Variants in ADAMTS12 observed in about 807,000 individuals in gnomAD.
ADAMTS12 encodes the protein A disintegrin and metalloproteinase with thrombospondin motifs 12.
Under a neutral mutation model 167.8 loss-of-function variants are expected in ADAMTS12, and 118 were observed. The observed-to-expected ratio is 0.70, with a 90% CI of 0.61 to 0.82. The LOEUF (loss-of-function observed/expected upper bound fraction) is 0.82. Ranked by LOEUF, ADAMTS12 falls within the 40% of genes least tolerant of loss-of-function variation. The probability of loss-of-function intolerance (pLI) is 0.00; values close to 1 mark genes in which losing one functional copy is unlikely to be tolerated. For synonymous variants in ADAMTS12, 704 were observed against 716.9 expected (o/e 0.98, Z 0.29); for missense variants, 1,916 against 1,998.8 (o/e 0.96, Z 0.79).
chr5:33,663,420 A>G (rs1741337822), intron 5 of ADAMTS12, among the ~76,000 whole-genome samples: 1 of 152,154 alleles, frequency 6.6e-6, no homozygotes. Context: ...GGAAGGGATA[A>G]GAGAAAAGGA....
intron 2 of ADAMTS12, among the ~76,000 whole-genome samples, chr5:33,754,648 G>T (rs1745109462): frequency 6.6e-6 from 1 of 152,188 alleles, no homozygotes; most frequent in Admixed American, 6.5e-5. Context: ...TTCGAGACCA[G>T]CCTGGCCAAC....
At chr5:33,636,328 C>T (rs1740191842) in intron 12 of ADAMTS12, among the ~76,000 whole-genome samples, 1 of 152,208 alleles carries the variant, frequency 6.6e-6, no homozygotes, top group Non-Finnish European at 1.5e-5. Context: ...AGGATATACA[C>T]ATAGATAGCA....
rs1001200952 is a variant in ADAMTS12 at position 33,526,919 on chromosome 5, C to T, written c.*269G>A. On this transcript the variant is annotated 3_prime_UTR_variant, in exon 24 of 24. Transcript: ENST00000504830. The stretch of plus-strand genomic sequence containing the variant: ...ACAGTATTTCACAAATCTGTCTAAC[C>T]TGGCACCTTTCCCAGGAGCCGATAC... 3 of 436,838 alleles carry T rather than the reference C, an allele frequency of 6.9e-6. No homozygotes were observed. The highest frequency in any genetic ancestry group is 5.9e-5 in the African/African-American group (3 of 50,916). The allele number at this position is 436,838 out of a possible 1,614,324, so 27.1% of individuals were successfully genotyped here. A position where few individuals can be genotyped will look rare whatever the true frequency, so the allele number is the denominator to read the frequency against.
rs1266391459 is a variant in ADAMTS12 at position 33,662,676 on chromosome 5, T to G, written c.916-636A>C. ...TGAGGCCTATGCCAGCCCTGTGGCA[T>G]CTGCCTGGCTGGTAGCTACTACTGG... On this transcript the variant is annotated intron_variant, in intron 5 of 23. Coordinates refer to ENST00000504830, the MANE Select transcript of ADAMTS12 (RefSeq NM_030955.4). Among the ~76,000 whole-genome samples, 3 of 152,294 alleles carry G rather than the reference T, an allele frequency of 2.0e-5. No homozygotes were observed. The East Asian group carries it at 5.8e-4, about 29-fold the overall frequency.
At chr5:33,567,016 G>A (rs577588724) in intron 19 of ADAMTS12, among the ~76,000 whole-genome samples, 1 of 152,274 alleles carries the variant, frequency 6.6e-6, no homozygotes, top group East Asian at 1.9e-4. Context: ...ACTGCAGACT[G>A]GAATCATCAC....
intron 3 of ADAMTS12, among the ~76,000 whole-genome samples, chr5:33,686,862 C>A (rs560949136): frequency 6.6e-6 from 1 of 150,902 alleles, no homozygotes; most frequent in East Asian, 2.0e-4. Context: ...TCTCCTCTCT[C>A]TCTATATATA....
At chr5:33,726,857 A>G (rs1313727950) in intron 3 of ADAMTS12, among the ~76,000 whole-genome samples, 1 of 151,306 alleles carries the variant, frequency 6.6e-6, no homozygotes, top group Non-Finnish European at 1.5e-5. Context: ...CCCGCAGTTT[A>G]TAAAGTGCCC....
intron 3 of ADAMTS12, among the ~76,000 whole-genome samples, chr5:33,725,939 C>A (rs184551194): frequency 3.9e-5 from 6 of 152,130 alleles, no homozygotes; most frequent in African/African-American, 1.2e-4. Flanking sequence ...CACTCTCGTG[C>A]GAGAATCAGA....
chr5:33,724,548 T>C (rs920432404), intron 3 of ADAMTS12, among the ~76,000 whole-genome samples: 9 of 150,014 alleles, frequency 6.0e-5, no homozygotes, highest in East Asian at 3.9e-4. Flanking sequence ...ACAGCTTCTT[T>C]TTTTTTTTTT....
intron 1 of ADAMTS12, among the ~76,000 whole-genome samples, chr5:33,881,734 GTTTTTTT>G: frequency 8.3e-6 from 1 of 120,180 alleles, no homozygotes; most frequent in East Asian, 2.3e-4. Context: ...GGCTAATTTT[GTTTTTTT>G]TTTTTTTTTT....
intron 2 of ADAMTS12, among the ~76,000 whole-genome samples, chr5:33,850,776 C>T (rs1749194395): frequency 6.6e-6 from 1 of 152,150 alleles, no homozygotes; most frequent in African/African-American, 2.4e-5. Context: ...CTGCAAGGAT[C>T]CAGTTCACCC....
chr5:33,604,338 C>T (rs552323821), intron 16 of ADAMTS12, among the ~76,000 whole-genome samples: 4 of 152,136 alleles, frequency 2.6e-5, no homozygotes, highest in Non-Finnish European at 5.9e-5. Flanking sequence ...CCCGTATCTA[C>T]TAAAATTACA....
intron 2 of ADAMTS12, among the ~76,000 whole-genome samples, chr5:33,771,822 T>TTTTC (rs1194841264): frequency 2.6e-5 from 4 of 151,728 alleles, no homozygotes; most frequent in African/African-American, 7.3e-5. Context: ...CCCTCATCCT[T>TTTTC]TTTCTTTCTT....
At chr5:33,671,681 A>C (rs1200061157) in intron 5 of ADAMTS12, among the ~76,000 whole-genome samples, 6 of 152,028 alleles carry the variant, frequency 3.9e-5, no homozygotes, top group African/African-American at 1.2e-4. Flanking sequence ...TACAGTGGGT[A>C]GGAAGAGCCC....
intron 3 of ADAMTS12, among the ~76,000 whole-genome samples, chr5:33,724,727 A>G (rs959177665): frequency 6.6e-6 from 1 of 151,194 alleles, no homozygotes; most frequent in Non-Finnish European, 1.5e-5. Flanking sequence ...AATTTTTTGT[A>G]TTTTTAGTAG....
chr5:33,726,900 G>T (rs911024489), intron 3 of ADAMTS12, among the ~76,000 whole-genome samples: 3 of 150,774 alleles, frequency 2.0e-5, no homozygotes, highest in Admixed American at 2.0e-4. Flanking sequence ...CATCCTTTTG[G>T]ACGGCCAGAT....
chr5:33,796,126 G>A (rs139829311), intron 2 of ADAMTS12, among the ~76,000 whole-genome samples: 41 of 152,308 alleles, frequency 2.7e-4, no homozygotes, highest in African/African-American at 9.1e-4. Context: ...TGGCACATAC[G>A]TACTGTGGAT....
chr5:33,564,116 G>A (rs1699289738), intron 19 of ADAMTS12, among the ~76,000 whole-genome samples: 1 of 152,360 alleles, frequency 6.6e-6, no homozygotes, highest in Non-Finnish European at 1.5e-5. Context: ...CCAGAAGGCA[G>A]GAGGACATTG....
At chr5:33,827,711 ATAGATAG>A (rs754928068) in intron 2 of ADAMTS12, among the ~76,000 whole-genome samples, 24,720 of 101,706 alleles carry the variant, frequency 0.24, 2,434 homozygotes, top group Non-Finnish European at 0.31. Flanking sequence ...AGAAAACAAA[ATAGATAG>A]ATAGATAGAT....
Sources: allele counts gnomAD v4.1 joint callset (sites outside exome capture counted in the v4.1 genomes callset), GRCh38; gene constraint gnomAD v4.1.1; transcripts MANE v1.5; gene names NCBI Gene and HGNC (gene_info 2026-07-23, HGNC 2026-07-21).